The following VAC14 variants were observed in gnomAD, a reference collection of about 807,000 sequenced individuals.
The protein encoded by VAC14 is protein VAC14 homolog.
In VAC14, 47 loss-of-function variants were observed where a neutral mutation model predicts 85.3. That is an observed-to-expected ratio of 0.55 (90% CI 0.44 to 0.70). The LOEUF is 0.70. Among genes scored for constraint, VAC14 ranks in the 30% least tolerant of loss-of-function variants. The pLI is 0.00. For missense variants in VAC14, 861 were observed against 1,004.3 expected (o/e 0.86, Z 1.93); for synonymous variants, 447 against 430.5 (o/e 1.04, Z -0.47).
At chr16:70,796,271 G>C (rs945245919) in intron 1 of VAC14, among the ~76,000 whole-genome samples, 1 of 152,112 alleles carries the variant, frequency 6.6e-6, no homozygotes, top group Non-Finnish European at 1.5e-5. Context: ...CTTCAGTTGA[G>C]GCAAGCATCC....
intron 14 of VAC14, among the ~76,000 whole-genome samples, chr16:70,722,684 C>T (rs1396447841): frequency 6.6e-6 from 1 of 152,190 alleles, no homozygotes; most frequent in Admixed American, 6.5e-5. Context: ...AGGGCACCCA[C>T]ATTTGTCTGT....
chr16:70,755,424 T>C lies in VAC14; in HGVS notation c.1371+7116A>G, dbSNP rs376692721. On this transcript the variant is annotated intron_variant, in intron 12 of 18. Coordinates refer to ENST00000261776, the MANE Select transcript of VAC14 (RefSeq NM_018052.5). ...CCTGGATAAGGCAGTGCCTCCACCC[T>C]GGGCCGGGTCCCTGCTCTGCAGTGA... Among the ~76,000 whole-genome samples the C allele has an allele frequency of 9.2e-4, 140 of 152,358 alleles. 2 individuals are homozygous for C. The highest frequency in any genetic ancestry group is 3.0e-3 in the African/African-American group (126 of 41,586).
chr16:70,735,863 C>A (rs567530155), intron 13 of VAC14, among the ~76,000 whole-genome samples: 3 of 152,382 alleles, frequency 2.0e-5, no homozygotes, highest in African/African-American at 7.2e-5. Flanking sequence ...TGCTCCCTGG[C>A]CCAAAGGGGC....
chr16:70,763,223 G>A (rs908653079), intron 10 of VAC14, among the ~76,000 whole-genome samples, 198 bp from the exon 11 acceptor site: 22 of 152,308 alleles, frequency 1.4e-4, no homozygotes, highest in African/African-American at 5.3e-4. Context: ...CCAGCCCAGG[G>A]GTTTGAAGGG....
At chr16:70,789,714 T>C (rs901571158) in intron 1 of VAC14, among the ~76,000 whole-genome samples, 3 of 152,236 alleles carry the variant, frequency 2.0e-5, no homozygotes, top group Non-Finnish European at 4.4e-5. Context: ...AAAACACTTA[T>C]TTTCCTAAAT....
rs184706307 is a variant in VAC14 at position 70,761,420 on chromosome 16, G to T, written c.1371+1120C>A. Among the ~76,000 whole-genome samples, 543 of 152,350 alleles carry T rather than the reference G, an allele frequency of 3.6e-3. 3 individuals carry two copies. The highest frequency in any genetic ancestry group is 0.012 in the African/African-American group (505 of 41,588). On this transcript the variant is annotated intron_variant, in intron 12 of 18. Transcript: ENST00000261776. The stretch of plus-strand genomic sequence containing the variant: ...GAAGAGGAAAGTGGGCTGAGGCTCA[G>T]CTTGGACCGTCAGCATCTGAGATGC...
At chr16:70,761,022 TGGGG>T (rs112696363) in intron 12 of VAC14, 2,016 of 190,202 alleles carry the variant, frequency 0.011, 78 homozygotes, top group Admixed American at 0.017. Context: ...TGTGTGTGCA[TGGGG>T]GGGCGGGGGG....
In VAC14 at chr16:70,687,634, T is replaced by G. The variant is rs1597838906; in HGVS notation, c.*294A>C. 3.3e-6 allele frequency: 1 copy of G among 302,014 alleles called. No individual in the cohort carries two copies. The highest frequency in any genetic ancestry group is 6.1e-6 in the Non-Finnish European group (1 of 164,266). 18.7% of individuals were successfully genotyped at this position (302,014 alleles called of 1,614,324 possible). On this transcript the variant is annotated 3_prime_UTR_variant, in exon 19 of 19. Coordinates refer to ENST00000261776, the MANE Select transcript of VAC14 (RefSeq NM_018052.5). ...GGGGCAAGCTCTTTTTCCAAGAGGG[T>G]ATTAGAAAGAGGTTGATTCCAGAGG... is the stretch of plus-strand genomic sequence containing the variant.
intron 14 of VAC14, among the ~76,000 whole-genome samples, chr16:70,706,656 C>T (rs926360215): frequency 5.3e-5 from 8 of 152,200 alleles, no homozygotes; most frequent in African/African-American, 1.7e-4. Context: ...GCATGTGCCA[C>T]GATACTAGGC....
At chr16:70,755,244 C>G in intron 12 of VAC14, 1 of 339,264 alleles carries the variant, frequency 2.9e-6, no homozygotes, top group Non-Finnish European at 5.9e-6. Context: ...GGCTAGGGGC[C>G]ACCAGGTCAG....
Position 70,762,640 on chromosome 16 carries a change from C to G in VAC14, c.1306-35G>C. 6.2e-7 allele frequency: 1 copy of G among 1,608,360 alleles called. No homozygotes were observed. On this transcript the variant is annotated intron_variant, in intron 11 of 18. Transcript: ENST00000261776. The surrounding 1 kb of genome is among the most constrained non-coding windows in gnomAD (Gnocchi z 4.1). ...AGAGAAGCAGGGGTGCCCGTGAGTG[C>G]TCCCTTCGCCCCGGGACTACGTGCA... is the stretch of plus-strand genomic sequence containing the variant.
intron 9 of VAC14, 130 bp downstream of exon 9, chr16:70,780,660 G>A: frequency 8.2e-7 from 1 of 1,219,050 alleles, no homozygotes; most frequent in Non-Finnish European, 1.1e-6. Flanking sequence ...CTGGGTTGCT[G>A]CTACAATTGT....
intron 9 of VAC14, among the ~76,000 whole-genome samples, chr16:70,776,595 A>G (rs2033530061): frequency 6.6e-6 from 1 of 152,026 alleles, no homozygotes; most frequent in South Asian, 2.1e-4. Context: ...TTTCAGTTAC[A>G]CCAATTTTAT....
chr16:70,781,752 G>A (rs970684333), intron 8 of VAC14, 117 bp downstream of exon 8: 2 of 1,393,558 alleles, frequency 1.4e-6, no homozygotes, highest in Non-Finnish European at 1.9e-6. Context: ...CGAGCTGCTA[G>A]GGACTATGGA....
At chr16:70,799,274 A>T (rs1182123467) in intron 1 of VAC14, among the ~76,000 whole-genome samples, 1 of 152,186 alleles carries the variant, frequency 6.6e-6, no homozygotes, top group Non-Finnish European at 1.5e-5. Context: ...CCCTCTATTC[A>T]GTATGGCAAT....
At chr16:70,721,922 A>G (rs1401246329) in intron 14 of VAC14, among the ~76,000 whole-genome samples, 1 of 152,116 alleles carries the variant, frequency 6.6e-6, no homozygotes, top group African/African-American at 2.4e-5. Flanking sequence ...CTTTCCCCAC[A>G]GCACAGGAGC....
chr16:70,731,492 G>A lies in VAC14; in HGVS notation c.1661+3C>T. ...GAGGAGAAAGCGCGCCGCCAAGGCT[G>A]ACCTGATGATGAAAGGGCCTCTGAC... On this transcript the variant is annotated splice_donor_region_variant and intron_variant, in intron 14 of 18. Transcript: ENST00000261776. 1 of 1,613,734 alleles carries A rather than the reference G, an allele frequency of 6.2e-7. No homozygotes were observed.
intron 12 of VAC14, chr16:70,761,055 G>A (rs1332308979): frequency 2.7e-6 from 1 of 376,396 alleles, no homozygotes; most frequent in Non-Finnish European, 5.4e-6. Context: ...AGAGGCCAAG[G>A]GCATACTCAC....
In VAC14 at chr16:70,784,100, G is replaced by C. The variant is rs373314705; in HGVS notation, c.594+13C>G. The C allele has an allele frequency of 6.2e-7, 1 of 1,610,428 alleles. No homozygotes were observed. Among genetic ancestry groups the C allele is most frequent in the Non-Finnish European group, 8.5e-7 (1 of 1,176,606 alleles). ...ACTGGAGGCTGGAGAAACGGTGTCC[G>C]GCCAGGCCTTACCCAGGAGATGATG... is the stretch of plus-strand genomic sequence containing the variant. On this transcript the variant is annotated intron_variant, in intron 5 of 18. Coordinates refer to ENST00000261776, the MANE Select transcript of VAC14 (RefSeq NM_018052.5).
Sources: allele counts gnomAD v4.1 joint callset (sites outside exome capture counted in the v4.1 genomes callset), GRCh38; gene constraint gnomAD v4.1.1; non-coding constraint Gnocchi (gnomAD v3.1); transcripts MANE v1.5; gene names NCBI Gene and HGNC (gene_info 2026-07-23, HGNC 2026-07-21).